The following BHMT variants were observed in gnomAD, a reference collection of about 807,000 sequenced individuals.
The protein encoded by BHMT is betaine--homocysteine S-methyltransferase 1.
In BHMT, 38 loss-of-function variants were observed where a neutral mutation model predicts 49.5. That is an observed-to-expected ratio of 0.77 (90% confidence interval 0.59 to 1.01). The LOEUF (loss-of-function observed/expected upper bound fraction) is 1.01, where lower values mean the gene tolerates loss of function less well. Ranked by LOEUF, BHMT falls within the 50% of genes least tolerant of loss-of-function variation. The pLI, the probability that BHMT is intolerant of heterozygous loss-of-function variation, is 0.00. For missense variants in BHMT, 426 were observed against 495.7 expected (o/e 0.86, Z 1.34); for synonymous variants, 166 against 176.3 (o/e 0.94, Z 0.46).
At position 79,120,547 on chromosome 5, in the gene BHMT, G is replaced by A; in HGVS notation, c.477+6G>A. 1.9e-6 allele frequency: 3 copies of A among 1,603,176 alleles called. No homozygotes were observed. The East Asian group carries it at 6.7e-5, about 36-fold the overall frequency. ...TGGACTTCTTGATTGCAGAGGTAAA[G>A]AAAGATGTGGTGAAAGATAAGACAA... is the stretch of plus-strand genomic sequence containing the variant. On this transcript the variant is annotated splice_donor_region_variant and intron_variant, in intron 4 of 7. Coordinates refer to ENST00000274353, the MANE Select transcript of BHMT (RefSeq NM_001713.3).
chr5:79,128,180 CT>C (rs1427543969), intron 7 of BHMT, 197 bp downstream of exon 7: 1 of 784,964 alleles, frequency 1.3e-6, no homozygotes, highest in Non-Finnish European at 1.9e-6. Flanking sequence ...CGTATTTGAC[CT>C]GATTTTGGAT....
intron 4 of BHMT, 60 bp downstream of exon 4, chr5:79,120,601 T>A: frequency 6.7e-7 from 1 of 1,486,316 alleles, no homozygotes; most frequent in Non-Finnish European, 9.0e-7. Context: ...CTCTACCTTT[T>A]GCTTTCAAGA....
At chr5:79,113,313 T>C (rs1376605426) in intron 1 of BHMT, among the ~76,000 whole-genome samples, 1 of 152,196 alleles carries the variant, frequency 6.6e-6, no homozygotes, top group Non-Finnish European at 1.5e-5. Flanking sequence ...AGATATTTTT[T>C]GTTTGTCCCC....
At chr5:79,121,569 C>T (rs1383040208) in intron 5 of BHMT, among the ~76,000 whole-genome samples, 3 of 152,028 alleles carry the variant, frequency 2.0e-5, no homozygotes, top group Non-Finnish European at 4.4e-5. Flanking sequence ...AATCCCAGCA[C>T]TTTGGGAGGC....
rs1561253973 is a variant in BHMT at position 79,121,333 on chromosome 5, C to G, written c.593C>G (p.Pro198Arg). 3 of 1,614,180 alleles carry G rather than the reference C, an allele frequency of 1.9e-6. No individual in the cohort carries two copies. Among genetic ancestry groups the G allele is most frequent in the Admixed American group, 1.7e-5 (1 of 60,012 alleles). The change falls in exon 5 of 8, where the codon CCC becomes CGC. Residue 198 changes from proline to arginine, a missense_variant. Physicochemically the swap from Pro to Arg is moderately radical, Grantham distance 103. Transcript: ENST00000274353. ...GPEGDLHGVP[P>R]GECAVRLVKA... Reference sequence around the variant, plus strand: ...GAAGGAGATTTGCATGGCGTGCCCCCCGGCGAGTGTGCAGTGCGCCTGGTG... The same window carrying G: ...GAAGGAGATTTGCATGGCGTGCCCCGCGGCGAGTGTGCAGTGCGCCTGGTG...
Position 79,120,338 on chromosome 5 carries a change from C to T in BHMT, c.286-12C>T, listed in dbSNP as rs761333211. 5 of 1,597,760 alleles carry T rather than the reference C, an allele frequency of 3.1e-6. No individual in the cohort carries two copies. Among genetic ancestry groups the T allele is most frequent in the East Asian group, 2.2e-5 (1 of 44,690 alleles). Reference sequence around the variant, plus strand: ...TGAAAATTTAGATGTCTCATATACTCACCCATTTTAGGGGCAGGAAGTCAA... The same window carrying T: ...TGAAAATTTAGATGTCTCATATACTTACCCATTTTAGGGGCAGGAAGTCAA... On this transcript the variant is annotated splice_polypyrimidine_tract_variant and intron_variant, in intron 3 of 7. Transcript: ENST00000274353.
chr5:79,126,862 T>G (rs949572596), intron 6 of BHMT, among the ~76,000 whole-genome samples: 1 of 151,964 alleles, frequency 6.6e-6, no homozygotes, highest in Non-Finnish European at 1.5e-5. Context: ...TCTCACAAAT[T>G]AAGCCAGAGT....
rs772644856 is a variant in BHMT at position 79,119,303 on chromosome 5, A to T, written c.211A>T (p.Met71Leu). Residue 71 changes from methionine (M) to leucine (L), a missense_variant, in exon 3 of 8, where the codon ATG (methionine) becomes TTG (leucine). Met to Leu is a conservative substitution (Grantham distance 15). Around this residue, in one of 3 missense-constraint regions of BHMT, gnomAD observed 321 missense variants for 355.9 expected, o/e 0.90. Transcript: ENST00000274353. ...GTTCCTCAGAGCTGGCTCAAACGTCATGCAGACCTTCACCTTCTATGCGAG... is the reference window on the plus strand; with the variant it reads ...GTTCCTCAGAGCTGGCTCAAACGTCTTGCAGACCTTCACCTTCTATGCGAG... The part of the protein sequence containing the change: ...REFLRAGSNV[M>L]QTFTFYASED... The T allele has an allele frequency of 2.7e-5, 44 of 1,613,966 alleles. No individual in the cohort carries two copies. Among genetic ancestry groups the T allele is most frequent in the Non-Finnish European group, 3.6e-5 (43 of 1,180,032 alleles).
rs1580275134 is a variant in BHMT, at chr5:79,127,873, A to G, written c.927A>G (p.Ala309=). The G allele has an allele frequency of 1.2e-6, 2 of 1,614,128 alleles. No individual in the cohort carries two copies. Among genetic ancestry groups the G allele is most frequent in the Non-Finnish European group, 1.7e-6 (2 of 1,180,026 alleles). Residue 309 remains alanine, a synonymous_variant, in exon 7 of 8, where the codon GCA becomes GCG. Transcript: ENST00000274353. ...CCGFEPYHIR[A]IAEELAPERG... ...GATTTGAGCCCTACCACATCAGGGC[A>G]ATTGCAGAGGAGCTGGCCCCAGAAA...
intron 7 of BHMT, among the ~76,000 whole-genome samples, chr5:79,129,729 T>C (rs1389959858): frequency 6.6e-6 from 1 of 151,978 alleles, no homozygotes; most frequent in Non-Finnish European, 1.5e-5. Flanking sequence ...GAGTGAGAGG[T>C]GCAGAAGTTA....
At chr5:79,112,024 C>A (rs909317629) in intron 1 of BHMT, 106 bp downstream of exon 1, 93 of 1,259,580 alleles carry the variant, frequency 7.4e-5, no homozygotes, top group Non-Finnish European at 9.7e-5. Context: ...TGGTACCCAT[C>A]ATCCTCCTAC....
In BHMT at chr5:79,122,663, G is replaced by T. The variant is rs1756489459; in HGVS notation, c.625+1298G>T. On this transcript the variant is annotated intron_variant, in intron 5 of 7. Coordinates refer to ENST00000274353, the MANE Select transcript of BHMT (RefSeq NM_001713.3). ...CTTGGTTCCAGACTTGGATATTGTG[G>T]ATATATATACTTGTGAGTATATGTA... Among the ~76,000 whole-genome samples the T allele has an allele frequency of 2.0e-5, 3 of 151,418 alleles. No homozygotes were observed. The South Asian group carries it at 6.2e-4, about 31-fold the overall frequency.
At chr5:79,126,295 C>A in intron 6 of BHMT, 67 bp downstream of exon 6, 4 of 1,537,334 alleles carry the variant, frequency 2.6e-6, no homozygotes, top group Non-Finnish European at 3.6e-6. Context: ...TCAAGTAAAT[C>A]TATACCCAGA....
rs1249903350 is a variant in BHMT at position 79,131,015 on chromosome 5, G to T, written c.1120G>T (p.Gly374Ter). 1.2e-6 allele frequency: 2 copies of T among 1,613,974 alleles called. No homozygotes were observed. The highest frequency in any genetic ancestry group is 2.2e-5 in the South Asian group (2 of 91,056). ...NPSMSKPDGW[G>*]VTKGTAELMQ... ...TTCAATGTCAAAGCCAGATGGCTGG[G>T]GAGTGACCAAAGGAACAGCCGAGCT... is the stretch of plus-strand genomic sequence containing the variant. Residue 374 changes from glycine to a stop codon, truncating the protein, a stop_gained, in exon 8 of 8, where the codon GGA becomes TGA. Transcript: ENST00000274353. LOFTEE classifies it high-confidence loss of function.
intron 6 of BHMT, 111 bp downstream of exon 6, chr5:79,126,339 TC>T: frequency 8.1e-7 from 1 of 1,237,230 alleles, no homozygotes; most frequent in South Asian, 1.4e-5. Context: ...TGGCTTGGTG[TC>T]TCCTCATGTC....
At chr5:79,128,656 A>G (rs1227939979) in intron 7 of BHMT, among the ~76,000 whole-genome samples, 1 of 152,160 alleles carries the variant, frequency 6.6e-6, no homozygotes, top group Non-Finnish European at 1.5e-5. Context: ...GATTTTTAAG[A>G]GTTAAGGACC....
rs140612005 is a variant in BHMT, at chr5:79,126,168, G to T, written c.748G>T (p.Ala250Ser). The T allele has an allele frequency of 1.2e-4, 195 of 1,613,664 alleles. No individual in the cohort carries two copies. The highest frequency in any genetic ancestry group is 1.6e-4 in the Non-Finnish European group (188 of 1,179,718). The change falls in exon 6 of 8, where the codon GCT becomes TCT. Residue 250 changes from alanine to serine, a missense_variant. Around this residue, in one of 3 missense-constraint regions of BHMT, gnomAD observed 321 missense variants for 355.9 expected, o/e 0.90. Coordinates refer to ENST00000274353, the MANE Select transcript of BHMT (RefSeq NM_001713.3). ...LKAHLMSQPL[A>S]YHTPDCNKQG... is the part of the protein sequence containing the mutation. ...AGCTCACCTGATGAGCCAGCCCTTG[G>T]CTTACCACACTCCTGACTGCAACAA...
chr5:79,131,217 T>A lies in BHMT; in HGVS notation c.*101T>A. ...AAAAGCAGTGCTTTCATGAATGCCA[T>A]CCTACACATATTATTGCTATTACCT... On this transcript the variant is annotated 3_prime_UTR_variant, in exon 8 of 8. Transcript: ENST00000274353. 2.7e-6 allele frequency: 3 copies of A among 1,105,946 alleles called. No individual in the cohort carries two copies. Among genetic ancestry groups the A allele is most frequent in the Non-Finnish European group, 3.9e-6 (3 of 772,130 alleles). The allele number at this position is 1,105,946 out of a possible 1,614,324, so 68.5% of individuals were successfully genotyped here.
chr5:79,121,333 C>T lies in BHMT; in HGVS notation c.593C>T (p.Pro198Leu), dbSNP rs1561253973. ...GPEGDLHGVP[P>L]GECAVRLVKA... ...GAAGGAGATTTGCATGGCGTGCCCC[C>T]CGGCGAGTGTGCAGTGCGCCTGGTG... The change falls in exon 5 of 8, where the codon CCC becomes CTC. Residue 198 changes from proline to leucine, a missense_variant. Pro to Leu is a moderately conservative substitution (Grantham distance 98). Around this residue, in one of 3 missense-constraint regions of BHMT, gnomAD observed 321 missense variants for 355.9 expected, o/e 0.90. Transcript: ENST00000274353. 2 of 1,614,180 alleles carry T rather than the reference C, an allele frequency of 1.2e-6. No homozygotes were observed. Among genetic ancestry groups the T allele is most frequent in the Non-Finnish European group, 1.7e-6 (2 of 1,180,006 alleles).
Sources: allele counts gnomAD v4.1 joint callset (sites outside exome capture counted in the v4.1 genomes callset), GRCh38; gene constraint gnomAD v4.1.1; regional missense constraint gnomAD v4.1.1; transcripts MANE v1.5; gene names NCBI Gene and HGNC (gene_info 2026-07-23, HGNC 2026-07-21).